Variants in ESRRA observed in about 807,000 individuals in gnomAD.
The protein encoded by ESRRA is estrogen related receptor alpha.
ESRRA carries 7 observed loss-of-function variants against 35.6 expected under a neutral mutation model. The ratio of observed to expected loss-of-function variants is 0.20; its 90% confidence interval spans 0.11 to 0.37. The LOEUF is 0.37. Among genes scored for constraint, ESRRA ranks in the 10% least tolerant of loss-of-function variants. The pLI is 1.00. For missense variants in ESRRA, 378 were observed against 561.7 expected, an observed-to-expected ratio of 0.67 and a Z score of 3.31; for synonymous variants, 223 against 246.9, an observed-to-expected ratio of 0.90 and a Z score of 0.91.
At chr11:64,310,102 C>G (rs2035110487) in intron 2 of ESRRA, among the ~76,000 whole-genome samples, 1 of 152,140 alleles carries the variant, frequency 6.6e-6, no homozygotes, top group South Asian at 2.1e-4. Flanking sequence ...TAGGAAATGG[C>G]AGAACCAAGA....
intron 2 of ESRRA, among the ~76,000 whole-genome samples, chr11:64,310,942 C>T (rs528345946): frequency 6.6e-6 from 1 of 152,288 alleles, no homozygotes; most frequent in Non-Finnish European, 1.5e-5. Context: ...GGCCAGGGTG[C>T]GGGTATCTCC....
chr11:64,312,537 T>C (rs1162621402), intron 2 of ESRRA, among the ~76,000 whole-genome samples: 1 of 152,154 alleles, frequency 6.6e-6, no homozygotes, highest in Non-Finnish European at 1.5e-5. Flanking sequence ...AGCTGTGTCA[T>C]TTGGTCGTTG....
intron 1 of ESRRA, chr11:64,306,449 G>C (rs1216333863): frequency 1.3e-5 from 2 of 152,590 alleles, no homozygotes; most frequent in African/African-American, 4.8e-5. Context: ...CGCGTGTCAG[G>C]TGTGAAAAGC....
intron 2 of ESRRA, among the ~76,000 whole-genome samples, chr11:64,308,815 CAA>C (rs1265755324): frequency 1.4e-4 from 8 of 58,748 alleles, no homozygotes; most frequent in Non-Finnish European, 1.4e-4. Context: ...GACTCCGTCT[CAA>C]AAAAAAAAAA....
Position 64,313,897 on chromosome 11 carries a change from G to A in ESRRA, c.326-54G>A, listed in dbSNP as rs936246039. 31 of 1,299,874 alleles carry A rather than the reference G, an allele frequency of 2.4e-5. No individual in the cohort carries two copies. Among genetic ancestry groups the A allele is most frequent in the Non-Finnish European group, 1.1e-5 (10 of 934,832 alleles). 80.5% of individuals were successfully genotyped at this position (1,299,874 alleles called of 1,614,324 possible). On this transcript the variant is annotated intron_variant, in intron 2 of 6. Coordinates refer to ENST00000000442, the MANE Select transcript of ESRRA (RefSeq NM_004451.5). This position sits in a 1 kb window ranked among gnomAD's most constrained non-coding sequence, Gnocchi z 4.0. ...AGAGTCAGGGCTCTCCTGTCAGCTG[G>A]GTCCCCTCCCAGCCCCGGGAGGCCG...
chr11:64,313,915 G>T lies in ESRRA; in HGVS notation c.326-36G>T. On this transcript the variant is annotated intron_variant, in intron 2 of 6. Transcript: ENST00000000442. This position sits in a 1 kb window ranked among gnomAD's most constrained non-coding sequence, Gnocchi z 4.0. ...TCAGCTGGGTCCCCTCCCAGCCCCGGGAGGCCGCCACTGGAGCCCTGCCTC... is the reference window on the plus strand; with the variant it reads ...TCAGCTGGGTCCCCTCCCAGCCCCGTGAGGCCGCCACTGGAGCCCTGCCTC... 6.8e-7 allele frequency: 1 copy of T among 1,467,190 alleles called. No homozygotes were observed. The highest frequency in any genetic ancestry group is 1.3e-5 in the South Asian group (1 of 78,968). 90.9% of individuals were successfully genotyped at this position (1,467,190 alleles called of 1,614,324 possible).
intron 2 of ESRRA, among the ~76,000 whole-genome samples, chr11:64,311,628 A>G (rs1036704670): frequency 2.1e-4 from 31 of 151,218 alleles, no homozygotes; most frequent in African/African-American, 7.3e-4. Context: ...GTTAGCCAGG[A>G]TGGTCTCGAT....
At chr11:64,307,122 C>T in intron 1 of ESRRA, 46 bp from the exon 2 acceptor site, 1 of 1,472,072 alleles carries the variant, frequency 6.8e-7, no homozygotes, top group East Asian at 2.4e-5. Context: ...GTCTCCCATC[C>T]CCCATACCAG....
In ESRRA at chr11:64,316,137, G is replaced by A. The variant is rs1484130829; in HGVS notation, c.*171G>A. Reference sequence around the variant, plus strand: ...CCACGCCCTCTCCTCCCCCTCCTAGGGGGTGTCAGAAGCTGGGAACGTGTG... The same window carrying A: ...CCACGCCCTCTCCTCCCCCTCCTAGAGGGTGTCAGAAGCTGGGAACGTGTG... On this transcript the variant is annotated 3_prime_UTR_variant, in exon 7 of 7. Coordinates refer to ENST00000000442, the MANE Select transcript of ESRRA (RefSeq NM_004451.5). 5.3e-6 allele frequency: 4 copies of A among 754,284 alleles called. No individual in the cohort carries two copies. The highest frequency in any genetic ancestry group is 2.7e-5 in the East Asian group (1 of 36,444). 46.7% of individuals were successfully genotyped at this position (754,284 alleles called of 1,614,324 possible). A position where few individuals can be genotyped will look rare whatever the true frequency, so the allele number is the denominator to read the frequency against.
chr11:64,316,146 G>A lies in ESRRA; in HGVS notation c.*180G>A. ...CTCCTCCCCCTCCTAGGGGGTGTCAGAAGCTGGGAACGTGTGTCCAGGCTC... is the reference window on the plus strand; with the variant it reads ...CTCCTCCCCCTCCTAGGGGGTGTCAAAAGCTGGGAACGTGTGTCCAGGCTC... On this transcript the variant is annotated 3_prime_UTR_variant, in exon 7 of 7. Coordinates refer to ENST00000000442, the MANE Select transcript of ESRRA (RefSeq NM_004451.5). The A allele has an allele frequency of 1.4e-6, 1 of 692,892 alleles. No individual in the cohort carries two copies. The highest frequency in any genetic ancestry group is 2.1e-5 in the South Asian group (1 of 48,022). 42.9% of individuals were successfully genotyped at this position (692,892 alleles called of 1,614,324 possible).
intron 2 of ESRRA, among the ~76,000 whole-genome samples, chr11:64,312,497 GA>G (rs1219779031): frequency 6.6e-6 from 1 of 152,186 alleles, no homozygotes; most frequent in Non-Finnish European, 1.5e-5. Flanking sequence ...AATGCACCGC[GA>G]GGAGAAATGT....
At chr11:64,309,634 TAAAAAAAAA>T (rs575246508) in intron 2 of ESRRA, among the ~76,000 whole-genome samples, 2 of 124,634 alleles carry the variant, frequency 1.6e-5, no homozygotes, top group African/African-American at 3.0e-5. Context: ...CACGTATAAT[TAAAAAAAAA>T]AAAAAAAAGG....
At position 64,313,881 on chromosome 11, in the gene ESRRA, GCT is replaced by G. The variant is rs1191416472; in HGVS notation, c.326-66_326-65del. The G allele has an allele frequency of 5.6e-6, 6 of 1,079,772 alleles. No homozygotes were observed. The East Asian group carries it at 1.3e-4, about 24-fold the overall frequency. The allele number at this position is 1,079,772 out of a possible 1,614,324, so 66.9% of individuals were successfully genotyped here. A position where few individuals can be genotyped will look rare whatever the true frequency, so the allele number is the denominator to read the frequency against. On this transcript the variant is annotated intron_variant, in intron 2 of 6. Transcript: ENST00000000442. The surrounding 1 kb of genome is among the most constrained non-coding windows in gnomAD (Gnocchi z 4.0). Reference sequence around the variant, plus strand: ...CTGTGCTTGCCCGGGGAGAGTCAGGGCTCTCCTGTCAGCTGGGTCCCCTCCCA... The same window carrying G: ...CTGTGCTTGCCCGGGGAGAGTCAGGGCTCCTGTCAGCTGGGTCCCCTCCCA...
Position 64,314,346 on chromosome 11 carries a change from G to C in ESRRA, c.550G>C (p.Ala184Pro). Reference protein sequence around the residue: ...GPFPAGPLAVAGGPRKTAAPV... With the variant: ...GPFPAGPLAVPGGPRKTAAPV... The stretch of plus-strand genomic sequence containing the variant: ...CTTCCCTGCTGGGCCCCTGGCAGTC[G>C]CTGGAGGCCCCCGGAAGACAGGTGA... Residue 184 changes from alanine (A) to proline (P), a missense_variant, in exon 4 of 7, where the codon GCT (alanine) becomes CCT (proline). This residue lies in a region of ESRRA where 284 missense variants were observed against 411.7 expected (regional missense o/e 0.69). Transcript: ENST00000000442. 6.3e-7 allele frequency: 1 copy of C among 1,591,362 alleles called. No homozygotes were observed. The highest frequency in any genetic ancestry group is 8.6e-7 in the Non-Finnish European group (1 of 1,168,926).
rs1402009127 is a variant in ESRRA at position 64,315,649 on chromosome 11, G to A, written c.1013-58G>A. 1.2e-5 allele frequency: 19 copies of A among 1,596,340 alleles called. No homozygotes were observed. The Admixed American group carries it at 1.5e-4, about 13-fold the overall frequency. Reference sequence around the variant, plus strand: ...CCCCATCCAGCAGTGCTCAAGATACGGGGAGTGCCCTTGCCAGAGATAGCC... The same window carrying A: ...CCCCATCCAGCAGTGCTCAAGATACAGGGAGTGCCCTTGCCAGAGATAGCC... On this transcript the variant is annotated intron_variant, in intron 6 of 6. Coordinates refer to ENST00000000442, the MANE Select transcript of ESRRA (RefSeq NM_004451.5).
chr11:64,312,475 G>C (rs41294402), intron 2 of ESRRA, among the ~76,000 whole-genome samples: 105 of 152,270 alleles, frequency 6.9e-4, no homozygotes, highest in Admixed American at 5.4e-3. Context: ...GCGCAAATAG[G>C]GGGTAGGAGA....
rs2035015368 is a variant in ESRRA at position 64,305,635 on chromosome 11, G to A, written c.-114G>A. 1.3e-5 allele frequency: 2 copies of A among 150,092 alleles called. No individual in the cohort carries two copies. The highest frequency in any genetic ancestry group is 3.0e-5 in the Non-Finnish European group (2 of 67,408). The allele number at this position is 150,092 out of a possible 1,614,324, so 9.3% of individuals were successfully genotyped here. A position where few individuals can be genotyped will look rare whatever the true frequency, so the allele number is the denominator to read the frequency against. On this transcript the variant is annotated 5_prime_UTR_variant, in exon 1 of 7. Transcript: ENST00000000442. The surrounding 1 kb of genome is among the most constrained non-coding windows in gnomAD (Gnocchi z 5.8). ...GCGGCGCGGTGGGGCGGCGCGGCCC[G>A]AGGAGGCGGCGGAGGAGGGGCCGCC...
At chr11:64,309,111 C>CA (rs1250538065) in intron 2 of ESRRA, among the ~76,000 whole-genome samples, 13 of 150,408 alleles carry the variant, frequency 8.6e-5, no homozygotes, top group Non-Finnish European at 1.3e-4. Flanking sequence ...AACTCCACCT[C>CA]AAAAAACAAA....
In ESRRA at chr11:64,314,285, G is replaced by T; in HGVS notation, c.489G>T (p.Arg163=). ...GGGGTGGGCGGCAGAAGTACAAGCG[G>T]CGGCCGGAGGTGGACCCACTGCCCT... ...RVRGGRQKYK[R]RPEVDPLPFP... Residue 163 remains arginine (R), a synonymous_variant, in exon 4 of 7, where the codon CGG becomes CGT. Transcript: ENST00000000442. 1 of 1,611,922 alleles carries T rather than the reference G, an allele frequency of 6.2e-7. No individual in the cohort carries two copies. Among genetic ancestry groups the T allele is most frequent in the Non-Finnish European group, 8.5e-7 (1 of 1,179,578 alleles).
Sources: allele counts gnomAD v4.1 joint callset (sites outside exome capture counted in the v4.1 genomes callset), GRCh38; gene constraint gnomAD v4.1.1; regional missense constraint gnomAD v4.1.1; non-coding constraint Gnocchi (gnomAD v3.1); transcripts MANE v1.5; gene names NCBI Gene and HGNC (gene_info 2026-07-23, HGNC 2026-07-21).